MBNL2: variants seen among roughly 807,000 people sequenced by gnomAD.
MBNL2 encodes muscleblind-like protein 2.
A neutral mutation model predicts 41.9 loss-of-function variants in MBNL2; 17 were observed. The ratio of observed to expected loss-of-function variants is 0.41; its 90% CI spans 0.28 to 0.61. MBNL2 has a LOEUF of 0.61. Among genes scored for constraint, MBNL2 ranks in the 20% least tolerant of loss-of-function variants. The probability of loss-of-function intolerance (pLI) is 0.35; values close to 1 mark genes in which losing one functional copy is unlikely to be tolerated. For synonymous variants in MBNL2, 195 were observed against 182.9 expected (o/e 1.07, Z -0.53); for missense variants, 336 against 505.6 (o/e 0.66, Z 3.22).
chr13:97,154,012 A>G, the MBNL2 span, among the ~76,000 whole-genome samples: 4 of 152,188 alleles, frequency 2.6e-5, no homozygotes, highest in Non-Finnish European at 5.9e-5. Flanking sequence ...TCATGTAGTA[A>G]TATTTCTGTA....
chr13:97,315,561 G>A (rs2058968958), intron 2 of MBNL2, among the ~76,000 whole-genome samples: 1 of 152,220 alleles, frequency 6.6e-6, no homozygotes, highest in Admixed American at 6.5e-5. Flanking sequence ...CAGAGAAGGG[G>A]AAAGATGCTT....
intron 1 of MBNL2, among the ~76,000 whole-genome samples, chr13:97,226,469 G>A (rs2041622668): frequency 6.6e-6 from 1 of 152,152 alleles, no homozygotes; most frequent in Non-Finnish European, 1.5e-5. Flanking sequence ...ACCCAACTCA[G>A]TAACCTAATA....
intron 1 of MBNL2, 66 bp from the exon 2 acceptor site, chr13:97,275,566 T>C (rs1339096900): frequency 6.6e-6 from 1 of 152,244 alleles, no homozygotes; most frequent in African/African-American, 2.4e-5. Flanking sequence ...AAGAGTTCAA[T>C]AGTTCGTTGA....
chr13:97,378,530 A>C (rs2065157227), intron 8 of MBNL2, among the ~76,000 whole-genome samples: 1 of 152,200 alleles, frequency 6.6e-6, no homozygotes, highest in South Asian at 2.1e-4. Flanking sequence ...AAAATGATTA[A>C]CATGAATTGA....
At chr13:97,355,009 C>A (rs1441554016) in intron 5 of MBNL2, among the ~76,000 whole-genome samples, 1 of 152,128 alleles carries the variant, frequency 6.6e-6, no homozygotes, top group Non-Finnish European at 1.5e-5. Context: ...GAAAACCCTG[C>A]ACTACTTAAC....
At position 97,265,532 on chromosome 13, in the gene MBNL2, A is replaced by G. The variant is rs181552273; in HGVS notation, c.-604-10100A>G. On this transcript the variant is annotated intron_variant, in intron 1 of 8. Transcript: ENST00000679496. ...GGCGTGTCCAACTCACATGCTAGGC[A>G]GGACTTCATAGCTTGTACCTACCTT... Among the ~76,000 whole-genome samples, 339 of 152,340 alleles carry G rather than the reference A, an allele frequency of 2.2e-3. 1 individual carries two copies. Among genetic ancestry groups the G allele is most frequent in the African/African-American group, 7.3e-3 (305 of 41,582 alleles).
chr13:97,289,320 T>G (rs2055334740), intron 2 of MBNL2, among the ~76,000 whole-genome samples: 1 of 152,232 alleles, frequency 6.6e-6, no homozygotes, highest in African/African-American at 2.4e-5. Flanking sequence ...CAGCTCTTAG[T>G]AAAATCATTA....
At chr13:97,307,912 A>G (rs1454920206) in intron 2 of MBNL2, among the ~76,000 whole-genome samples, 2 of 152,198 alleles carry the variant, frequency 1.3e-5, no homozygotes, top group Admixed American at 1.3e-4. Context: ...AACGCTGTGC[A>G]CTCAGTTCCC....
At chr13:97,191,223 C>A in the MBNL2 span, among the ~76,000 whole-genome samples, 1 of 151,542 alleles carries the variant, frequency 6.6e-6, no homozygotes, top group African/African-American at 2.4e-5. Context: ...AAATTCCAAC[C>A]AGACTGCGCC....
At chr13:97,255,253 A>G in intron 1 of MBNL2, among the ~76,000 whole-genome samples, 1 of 152,344 alleles carries the variant, frequency 6.6e-6, no homozygotes, top group South Asian at 2.1e-4. Context: ...TTAATTATCT[A>G]AAAAAGTCTT....
At chr13:97,210,976 G>A in the MBNL2 span, among the ~76,000 whole-genome samples, 1 of 151,622 alleles carries the variant, frequency 6.6e-6, no homozygotes, top group Non-Finnish European at 1.5e-5. Flanking sequence ...GAGGGGTGGT[G>A]AAAGGGTAGC....
chr13:97,149,862 TCTCC>T, the MBNL2 span, among the ~76,000 whole-genome samples: 3 of 152,140 alleles, frequency 2.0e-5, no homozygotes, highest in African/African-American at 7.2e-5. Context: ...GGCAGATGCC[TCTCC>T]CTCCTCTCTC....
At chr13:97,183,486 C>A in the MBNL2 span, among the ~76,000 whole-genome samples, 1 of 152,156 alleles carries the variant, frequency 6.6e-6, no homozygotes, top group Non-Finnish European at 1.5e-5. Context: ...CTCCCTCTAC[C>A]CTTCTCTGAG....
chr13:97,174,123 CAAAG>C, the MBNL2 span, among the ~76,000 whole-genome samples: 1 of 152,046 alleles, frequency 6.6e-6, no homozygotes, highest in Non-Finnish European at 1.5e-5. Context: ...AAGGTAAACA[CAAAG>C]AAAAATGAGA....
At chr13:97,162,201 C>G in the MBNL2 span, among the ~76,000 whole-genome samples, 1 of 152,146 alleles carries the variant, frequency 6.6e-6, no homozygotes, top group Admixed American at 6.5e-5. Flanking sequence ...GAGTCAATCA[C>G]CTCCCACCAG....
chr13:97,217,752 C>A (rs1348578234), upstream of MBNL2, among the ~76,000 whole-genome samples: 1 of 152,080 alleles, frequency 6.6e-6, no homozygotes, highest in African/African-American at 2.4e-5. Flanking sequence ...TGAGTTTATG[C>A]ATGTAAACAT....
chr13:97,336,235 G>T (rs568767688), intron 3 of MBNL2, among the ~76,000 whole-genome samples: 29 of 152,090 alleles, frequency 1.9e-4, no homozygotes, highest in African/African-American at 6.0e-4. Context: ...TTTTAATAGA[G>T]GTTTTTAAAT....
intron 2 of MBNL2, among the ~76,000 whole-genome samples, chr13:97,320,781 G>T (rs1197307309): frequency 1.3e-5 from 2 of 152,044 alleles, no homozygotes; most frequent in African/African-American, 4.8e-5. Flanking sequence ...CGGGCATGGT[G>T]GTGGGTGCCT....
chr13:97,321,555 G>A (rs544319829), intron 2 of MBNL2, among the ~76,000 whole-genome samples: 2 of 152,294 alleles, frequency 1.3e-5, no homozygotes, highest in South Asian at 2.1e-4. Flanking sequence ...AGCAGGCGAT[G>A]GAGAAGGCAC....
Sources: allele counts gnomAD v4.1 joint callset (sites outside exome capture counted in the v4.1 genomes callset), GRCh38; gene constraint gnomAD v4.1.1; transcripts MANE v1.5; gene names NCBI Gene and HGNC (gene_info 2026-07-23, HGNC 2026-07-21).